CACHD1: variants seen among roughly 807,000 people sequenced by gnomAD.
CACHD1 encodes VWFA and cache domain-containing protein 1.
A neutral mutation model predicts 138.7 loss-of-function variants in CACHD1; 71 were observed. The observed-to-expected ratio is 0.51, with a 90% CI of 0.42 to 0.62. The LOEUF is 0.62. CACHD1 is among the 20% of genes least tolerant of loss of function. The probability of loss-of-function intolerance (pLI) is 0.00; values close to 1 mark genes in which losing one functional copy is unlikely to be tolerated. For synonymous variants in CACHD1, 578 were observed against 591.5 expected (o/e 0.98, Z 0.33); for missense variants, 1,389 against 1,625.3 (o/e 0.85, Z 2.50).
intron 12 of CACHD1, among the ~76,000 whole-genome samples, chr1:64,656,766 G>T (rs1382138436): frequency 2.0e-5 from 3 of 151,580 alleles, no homozygotes; most frequent in African/African-American, 7.3e-5. Flanking sequence ...AACTTAAGGA[G>T]ATAATAAATA....
chr1:64,686,365 GT>G (rs1253326834), intron 26 of CACHD1, among the ~76,000 whole-genome samples: 2 of 152,130 alleles, frequency 1.3e-5, no homozygotes, highest in African/African-American at 4.8e-5. Flanking sequence ...AAACTTTAGG[GT>G]GTATTTTTAT....
intron 1 of CACHD1, among the ~76,000 whole-genome samples, chr1:64,535,874 C>T (rs2100415772): frequency 6.6e-6 from 1 of 152,222 alleles, no homozygotes; most frequent in African/African-American, 2.4e-5. Context: ...TTATAACAAG[C>T]AATCCAAGAT....
intron 1 of CACHD1, among the ~76,000 whole-genome samples, chr1:64,494,477 C>T (rs115351846): frequency 0.038 from 5,854 of 152,262 alleles, 173 homozygotes; most frequent in Non-Finnish European, 0.051. Flanking sequence ...TAGCAATTCT[C>T]GAGCTCCCCA....
intron 25 of CACHD1, among the ~76,000 whole-genome samples, chr1:64,681,541 G>GGTT (rs1553146851): frequency 1.7e-3 from 114 of 68,150 alleles, no homozygotes; most frequent in African/African-American, 4.5e-3. Context: ...ATTTTATTGT[G>GGTT]TTTTTTTTTT....
intron 2 of CACHD1, among the ~76,000 whole-genome samples, chr1:64,550,981 A>T (rs189582529): frequency 6.6e-6 from 1 of 152,308 alleles, no homozygotes; most frequent in African/African-American, 2.4e-5. Flanking sequence ...CAGGCTTTGG[A>T]ATCAGACAGA....
intron 16 of CACHD1, among the ~76,000 whole-genome samples, chr1:64,668,196 G>T (rs188236091): frequency 2.6e-5 from 4 of 151,864 alleles, no homozygotes; most frequent in South Asian, 2.1e-4. Flanking sequence ...GCATGGAGGC[G>T]CATGCCTGTA....
intron 3 of CACHD1, among the ~76,000 whole-genome samples, chr1:64,592,591 A>G (rs959832087): frequency 9.2e-5 from 14 of 152,284 alleles, no homozygotes; most frequent in African/African-American, 3.4e-4. Context: ...GCAAGTGTCC[A>G]TATAGCAATT....
At position 64,621,797 on chromosome 1, in the gene CACHD1, G is replaced by T. The variant is rs145993542; in HGVS notation, c.518-7558G>T. Among the ~76,000 whole-genome samples, 1,079 of 152,300 alleles carry T rather than the reference G, an allele frequency of 7.1e-3. 6 individuals carry two copies. Among genetic ancestry groups the T allele is most frequent in the South Asian group, 0.011 (54 of 4,822 alleles). The stretch of plus-strand genomic sequence containing the variant: ...GGGAAGAGGTGAGGTTGGAGAATAG[G>T]AAGGAGCCAGGTCATGCAGGGCCTT... On this transcript the variant is annotated intron_variant, in intron 4 of 26. Coordinates refer to ENST00000651257, the MANE Select transcript of CACHD1 (RefSeq NM_020925.4).
intron 7 of CACHD1, among the ~76,000 whole-genome samples, chr1:64,635,550 A>G (rs1648495937): frequency 6.6e-6 from 1 of 150,924 alleles, no homozygotes; most frequent in Non-Finnish European, 1.5e-5. Flanking sequence ...TGCCTGGCTA[A>G]TTTTTGTATT....
At chr1:64,664,026 G>C (rs544768188) in intron 14 of CACHD1, among the ~76,000 whole-genome samples, 189 bp downstream of exon 14, 16 of 152,238 alleles carry the variant, frequency 1.1e-4, no homozygotes, top group African/African-American at 3.9e-4. Flanking sequence ...GAAGCCCCGT[G>C]GGCCACATGG....
At chr1:64,533,173 T>C (rs1416671129) in intron 1 of CACHD1, among the ~76,000 whole-genome samples, 15 of 152,108 alleles carry the variant, frequency 9.9e-5, no homozygotes, top group Non-Finnish European at 1.8e-4. Flanking sequence ...CTGGTCAACA[T>C]GGTGAAACCC....
At chr1:64,638,655 C>T (rs931581455) in intron 7 of CACHD1, among the ~76,000 whole-genome samples, 1 of 152,092 alleles carries the variant, frequency 6.6e-6, no homozygotes, top group African/African-American at 2.4e-5. Flanking sequence ...ATGAGTCGCT[C>T]TTCCCCTTTT....
At chr1:64,629,062 A>C (rs1368797057) in intron 4 of CACHD1, among the ~76,000 whole-genome samples, 1 of 152,222 alleles carries the variant, frequency 6.6e-6, no homozygotes, top group Non-Finnish European at 1.5e-5. Flanking sequence ...AGCTCAGTGC[A>C]GGGAGAGATT....
chr1:64,556,983 G>A (rs977158703), intron 2 of CACHD1, among the ~76,000 whole-genome samples: 30 of 152,124 alleles, frequency 2.0e-4, no homozygotes, highest in African/African-American at 7.2e-4. Context: ...GCCGGGCGTG[G>A]TGGCGGGCGC....
intron 2 of CACHD1, among the ~76,000 whole-genome samples, chr1:64,576,061 C>G (rs757784556): frequency 6.6e-6 from 1 of 152,100 alleles, no homozygotes; most frequent in Non-Finnish European, 1.5e-5. Flanking sequence ...ATCATTTGAC[C>G]CGTGGCTGGA....
rs144611712 is a variant in CACHD1 at position 64,495,378 on chromosome 1, T to C, written c.198+24436T>C. Reference sequence around the variant, plus strand: ...ACAGTGTCTATGCTATATTCTGGAATTCTTTTCTCATGTATTAGGAAAAGC... The same window carrying C: ...ACAGTGTCTATGCTATATTCTGGAACTCTTTTCTCATGTATTAGGAAAAGC... On this transcript the variant is annotated intron_variant, in intron 1 of 26. Transcript: ENST00000651257. Among the ~76,000 whole-genome samples, 716 of 152,370 alleles carry C rather than the reference T, an allele frequency of 4.7e-3. 2 individuals are homozygous for C. The highest frequency in any genetic ancestry group is 7.6e-3 in the Non-Finnish European group (520 of 68,038).
At chr1:64,517,999 A>T (rs551879470) in intron 1 of CACHD1, among the ~76,000 whole-genome samples, 1 of 152,280 alleles carries the variant, frequency 6.6e-6, no homozygotes, top group East Asian at 1.9e-4. Context: ...ACAGCTTGTG[A>T]TCCTCTTTGA....
intron 2 of CACHD1, among the ~76,000 whole-genome samples, chr1:64,554,774 A>T (rs573572954): frequency 6.6e-6 from 1 of 152,270 alleles, no homozygotes; most frequent in South Asian, 2.1e-4. Flanking sequence ...TTCTGAGATG[A>T]TGATGTTCCA....
chr1:64,626,544 T>C (rs1648107867), intron 4 of CACHD1, among the ~76,000 whole-genome samples: 1 of 152,232 alleles, frequency 6.6e-6, no homozygotes, highest in Non-Finnish European at 1.5e-5. Flanking sequence ...TGTCCTTTAA[T>C]AAGTCATTGA....
Sources: gnomAD v4.1 joint callset for allele counts (sites outside exome capture counted in the v4.1 genomes callset) on GRCh38, gnomAD v4.1.1 for gene constraint, MANE v1.5 for transcripts, NCBI Gene and HGNC (gene_info 2026-07-23, HGNC 2026-07-21) for gene names.